Variants in POLK observed in about 807,000 individuals in gnomAD.
POLK encodes the protein DNA polymerase kappa.
Under a neutral mutation model 94.0 loss-of-function variants are expected in POLK, and 76 were observed. The ratio of observed to expected loss-of-function variants is 0.81; its 90% CI spans 0.67 to 0.98. POLK has a LOEUF of 0.98. Among genes scored for constraint, POLK ranks in the 50% least tolerant of loss-of-function variants. The pLI is 0.00. For synonymous variants in POLK, 349 were observed against 325.4 expected (o/e 1.07, Z -0.78); for missense variants, 954 against 1,010.1 (o/e 0.94, Z 0.75).
chr5:75,583,075 A>G (rs988793796), intron 7 of POLK: 2 of 351,140 alleles, frequency 5.7e-6, no homozygotes, highest in Non-Finnish European at 5.1e-6. Context: ...AATATTTCTC[A>G]TTTTTGCTGC....
intron 10 of POLK, among the ~76,000 whole-genome samples, chr5:75,589,617 C>T (rs927862029): frequency 1.3e-5 from 2 of 151,964 alleles, no homozygotes; most frequent in Non-Finnish European, 2.9e-5. Flanking sequence ...TGGAATATTT[C>T]TAAGGAATTC....
intron 6 of POLK, among the ~76,000 whole-genome samples, chr5:75,579,033 G>T (rs892128025): frequency 1.3e-5 from 2 of 152,186 alleles, no homozygotes; most frequent in African/African-American, 4.8e-5. Flanking sequence ...TAGTTACACA[G>T]CCAGGCCTCA....
intron 2 of POLK, among the ~76,000 whole-genome samples, chr5:75,547,921 A>C (rs1028514004): frequency 6.6e-6 from 1 of 152,120 alleles, no homozygotes; most frequent in African/African-American, 2.4e-5. Flanking sequence ...ATGAAAAATT[A>C]GTTTCATATC....
intron 13 of POLK, 191 bp from the exon 14 acceptor site, chr5:75,597,556 A>G: frequency 2.3e-6 from 1 of 431,470 alleles, no homozygotes; most frequent in East Asian, 3.6e-5. Context: ...AATTTCACCA[A>G]TAAAATTAAG....
chr5:75,554,022 T>G (rs934411375), intron 3 of POLK, among the ~76,000 whole-genome samples: 1 of 152,218 alleles, frequency 6.6e-6, no homozygotes, highest in Non-Finnish European at 1.5e-5. Flanking sequence ...TCCATCCATA[T>G]TCCATCTCCT....
intron 1 of POLK, among the ~76,000 whole-genome samples, chr5:75,516,373 A>G (rs989986942): frequency 3.3e-5 from 5 of 152,172 alleles, no homozygotes; most frequent in Non-Finnish European, 7.4e-5. Flanking sequence ...GCTTGACCCC[A>G]GGAGTTTCAG....
chr5:75,514,353 A>T (rs1248457565), intron 1 of POLK, among the ~76,000 whole-genome samples: 2 of 152,224 alleles, frequency 1.3e-5, no homozygotes, highest in African/African-American at 4.8e-5. Flanking sequence ...TTGGTTGATG[A>T]TTGAAGAGAA....
At chr5:75,598,437 A>T (rs541154051) in exon 15 of POLK, 8 of 152,902 alleles carry the variant, frequency 5.2e-5, no homozygotes, top group Non-Finnish European at 8.8e-5. Context: ...CTTCATGAGC[A>T]TTCATAATTA....
chr5:75,562,757 A>T (rs1286839803), intron 3 of POLK, among the ~76,000 whole-genome samples: 1 of 152,214 alleles, frequency 6.6e-6, no homozygotes, highest in African/African-American at 2.4e-5. Context: ...TTCTGCATCC[A>T]TTGAGATAAT....
intron 12 of POLK, 108 bp downstream of exon 12, chr5:75,594,157 G>T (rs1305420892): frequency 1.4e-6 from 1 of 707,112 alleles, no homozygotes; most frequent in Non-Finnish European, 2.4e-6. Flanking sequence ...TCAACTTAAT[G>T]ATTTTTCAAC....
intron 12 of POLK, among the ~76,000 whole-genome samples, chr5:75,595,248 G>GAA (rs58783164): frequency 0.02 from 500 of 24,826 alleles, 97 homozygotes; most frequent in African/African-American, 0.049. Flanking sequence ...CTCCACCTCA[G>GAA]AAAAAAAAAA....
upstream of POLK, chr5:75,511,340 G>GGA: frequency 1.9e-6 from 3 of 1,545,132 alleles, no homozygotes; most frequent in Non-Finnish European, 1.7e-6. Flanking sequence ...GGGGGAGCAG[G>GGA]AGGAGGGACG....
exon 13 of POLK, chr5:75,596,839 A>C (rs1256304589): frequency 2.5e-6 from 4 of 1,612,076 alleles, no homozygotes; most frequent in Non-Finnish European, 3.4e-6. Flanking sequence ...AGCAGAAAGC[A>C]TAGATGCTTT....
chr5:75,526,139 G>T (rs186005508), intron 1 of POLK, among the ~76,000 whole-genome samples: 79 of 151,884 alleles, frequency 5.2e-4, no homozygotes, highest in African/African-American at 1.7e-3. Flanking sequence ...ATAGAATTTC[G>T]TATTTTATAT....
chr5:75,588,168 G>A (rs1436799106), intron 10 of POLK, among the ~76,000 whole-genome samples: 1 of 151,104 alleles, frequency 6.6e-6, no homozygotes, highest in Non-Finnish European at 1.5e-5. Context: ...CTCTGCTATT[G>A]GGAAAACTAT....
chr5:75,581,819 A>G (rs1772208482), intron 7 of POLK: 1 of 195,372 alleles, frequency 5.1e-6, no homozygotes, highest in Non-Finnish European at 1.0e-5. Context: ...AGGTGGGACT[A>G]CAGGCGCATG....
the POLK span, among the ~76,000 whole-genome samples, chr5:75,608,540 GT>G: frequency 6.6e-6 from 1 of 152,124 alleles, no homozygotes; most frequent in East Asian, 1.9e-4. Flanking sequence ...TTACATTCTA[GT>G]TGTGGAAACC....
chr5:75,515,680 C>T (rs1768288893), intron 1 of POLK, among the ~76,000 whole-genome samples: 1 of 152,300 alleles, frequency 6.6e-6, no homozygotes, highest in South Asian at 2.1e-4. Context: ...GAGGAACCTC[C>T]ATACTGTATT....
At chr5:75,597,940 A>G in exon 15 of POLK, 1 of 1,484,108 alleles carries the variant, frequency 6.7e-7, no homozygotes, top group Non-Finnish European at 9.1e-7. Flanking sequence ...CTAGGCCAGG[A>G]TTGATGACAA....
Sources: gnomAD v4.1 joint callset for allele counts (sites outside exome capture counted in the v4.1 genomes callset) on GRCh38, gnomAD v4.1.1 for gene constraint, MANE v1.5 for transcripts, NCBI Gene and HGNC (gene_info 2026-07-23, HGNC 2026-07-21) for gene names.